PCGF3: variants seen among roughly 807,000 people sequenced by gnomAD.
The protein encoded by PCGF3 is polycomb group ring finger 3, also known as polycomb group RING finger protein 3.
A neutral mutation model predicts 33.1 loss-of-function variants in PCGF3; 7 were observed. The observed-to-expected ratio is 0.21, with a 90% CI of 0.12 to 0.40. The LOEUF is 0.40. Ranked by LOEUF, PCGF3 falls within the 10% of genes least tolerant of loss-of-function variation. The probability of loss-of-function intolerance (pLI) is 1.00; values close to 1 mark genes in which losing one functional copy is unlikely to be tolerated. For synonymous variants in PCGF3, 153 were observed against 121.3 expected (o/e 1.26, Z -1.72); for missense variants, 211 against 313.3 (o/e 0.67, Z 2.46).
chr4:753,877 G>A (rs1420929582), intron 8 of PCGF3, among the ~76,000 whole-genome samples: 3 of 152,180 alleles, frequency 2.0e-5, no homozygotes, highest in African/African-American at 7.2e-5. Context: ...AACTTGCAGT[G>A]AGCTGAGATC....
chr4:729,436 A>G (rs906474917), intron 1 of PCGF3, among the ~76,000 whole-genome samples: 1 of 151,932 alleles, frequency 6.6e-6, no homozygotes, highest in Non-Finnish European at 1.5e-5. Flanking sequence ...AAGAAATAAT[A>G]ATAATTATAA....
intron 8 of PCGF3, 31 bp from the exon 9 acceptor site, chr4:761,245 CCTG>C: frequency 1.2e-5 from 19 of 1,541,706 alleles, no homozygotes; most frequent in Non-Finnish European, 1.7e-5. Context: ...GGGGAACCCT[CCTG>C]CTGCGCTCTC....
intron 8 of PCGF3, among the ~76,000 whole-genome samples, chr4:758,425 G>A (rs1248068688): frequency 7.2e-6 from 1 of 139,370 alleles, no homozygotes; most frequent in Non-Finnish European, 1.5e-5. Context: ...TCCCCGCGCG[G>A]CCCCTCTCCC....
At chr4:744,612 C>T (rs369600342) in exon 8 of PCGF3, 1 of 1,557,706 alleles carries the variant, frequency 6.4e-7, no homozygotes. Context: ...GAAACCAAAG[C>T]AGACGACAGT....
intron 8 of PCGF3, among the ~76,000 whole-genome samples, chr4:760,676 A>T (rs1416988264): frequency 2.6e-5 from 4 of 152,188 alleles, no homozygotes; most frequent in Non-Finnish European, 5.9e-5. Flanking sequence ...TGTCAGGCAC[A>T]TCTTGGGGGC....
chr4:761,656 GGAT>G (rs1260504976), intron 9 of PCGF3: 3 of 985,016 alleles, frequency 3.0e-6, no homozygotes, highest in Non-Finnish European at 3.6e-6. Flanking sequence ...ACTAGGGCGG[GGAT>G]GATGAGACTG....
chr4:718,579 G>C (rs1390462360), intron 1 of PCGF3, among the ~76,000 whole-genome samples: 1 of 152,256 alleles, frequency 6.6e-6, no homozygotes, highest in Non-Finnish European at 1.5e-5. Context: ...AGCCCTGTCC[G>C]TGTGAGTGCT....
exon 11 of PCGF3, chr4:766,429 CAGTTT>C (rs1005508036): frequency 2.9e-5 from 6 of 203,910 alleles, no homozygotes; most frequent in African/African-American, 6.9e-5. Context: ...GAATTCACTT[CAGTTT>C]AGTTTATGAA....
At chr4:730,772 C>T (rs1743521674) in intron 2 of PCGF3, 104 bp downstream of exon 2, 4 of 368,954 alleles carry the variant, frequency 1.1e-5, no homozygotes, top group Non-Finnish European at 1.9e-5. Flanking sequence ...CTTGCAGTGC[C>T]TCTGAAACGC....
At chr4:712,651 T>C (rs1742625860) in intron 1 of PCGF3, among the ~76,000 whole-genome samples, 1 of 152,208 alleles carries the variant, frequency 6.6e-6, no homozygotes, top group Non-Finnish European at 1.5e-5. Context: ...TTTTGCCATG[T>C]TGGCCAGGCT....
At chr4:766,768 G>C (rs1172766184) in exon 11 of PCGF3, 1 of 152,216 alleles carries the variant, frequency 6.6e-6, no homozygotes, top group East Asian at 1.9e-4. Context: ...CCCAGCCCTG[G>C]AAACGGGGCC....
chr4:724,205 G>A (rs1325473002), intron 1 of PCGF3, among the ~76,000 whole-genome samples: 1 of 152,236 alleles, frequency 6.6e-6, no homozygotes, highest in Admixed American at 6.5e-5. Context: ...TGGGACGAGA[G>A]CGAAGAGGTG....
In PCGF3 at chr4:766,066, T is replaced by TA. The variant is rs767974482; in HGVS notation, c.716_717insA (p.Met239IlefsTer42). On this transcript the variant is annotated frameshift_variant, in exon 11 of 11. Coordinates refer to ENST00000362003, the Ensembl canonical transcript of PCGF3. LOFTEE classifies it high-confidence loss of function. ...CTCCTGCTGCACTACAGACCCAAGA[T>TA]GGACTTGCTGTGAATGGTGCCACAC... The TA allele has an allele frequency of 6.2e-7, 1 of 1,614,156 alleles. No homozygotes were observed. The highest frequency in any genetic ancestry group is 8.5e-7 in the Non-Finnish European group (1 of 1,180,006).
intron 9 of PCGF3, among the ~76,000 whole-genome samples, chr4:763,148 G>C (rs757463002): frequency 6.6e-6 from 1 of 152,182 alleles, no homozygotes; most frequent in Non-Finnish European, 1.5e-5. Context: ...ACGGGGGGAA[G>C]GGAGAGAAGG....
rs759618813 is a variant in PCGF3, at chr4:743,004, G to A, written c.263-470G>A. 3.6e-4 allele frequency among the ~76,000 whole-genome samples: 55 copies of A among 152,252 alleles called. 1 individual carries two copies. The highest frequency in any genetic ancestry group is 1.2e-3 in the African/African-American group (49 of 41,474). On this transcript the variant is annotated intron_variant, in intron 6 of 10. Transcript: ENST00000362003. ...GCAGGATCTGCCACTGCGCAGGAGCGTGGGGGGAACCCAGTGGCAGGTTCA... is the reference window on the plus strand; with the variant it reads ...GCAGGATCTGCCACTGCGCAGGAGCATGGGGGGAACCCAGTGGCAGGTTCA...
chr4:752,648 G>A (rs1483975447), intron 8 of PCGF3, among the ~76,000 whole-genome samples: 1 of 152,152 alleles, frequency 6.6e-6, no homozygotes, highest in African/African-American at 2.4e-5. Context: ...TCGGGGGTGG[G>A]GGGCCATGCA....
chr4:724,188 G>A (rs557615871), intron 1 of PCGF3, among the ~76,000 whole-genome samples: 1 of 152,248 alleles, frequency 6.6e-6, no homozygotes, highest in African/African-American at 2.4e-5. Flanking sequence ...TCAGGCCCAC[G>A]TGGCCTTGGG....
chr4:753,614 G>A (rs1744627169), intron 8 of PCGF3, among the ~76,000 whole-genome samples: 1 of 150,216 alleles, frequency 6.7e-6, no homozygotes, highest in African/African-American at 2.5e-5. Flanking sequence ...CTGCACTCCA[G>A]CCTGGGCGAC....
intron 1 of PCGF3, among the ~76,000 whole-genome samples, chr4:713,764 C>T (rs1194897151): frequency 6.6e-6 from 1 of 152,144 alleles, no homozygotes; most frequent in African/African-American, 2.4e-5. Context: ...TGTTGGATTC[C>T]TGATGCCGCC....
Sources: gnomAD v4.1 joint callset for allele counts (sites outside exome capture counted in the v4.1 genomes callset) on GRCh38, gnomAD v4.1.1 for gene constraint, MANE v1.5 for transcripts, NCBI Gene and HGNC (gene_info 2026-07-23, HGNC 2026-07-21) for gene names.